The following AUTS2 variants were observed in gnomAD, a reference collection of about 807,000 sequenced individuals.
The protein encoded by AUTS2 is activator of transcription and developmental regulator AUTS2, also known as autism susceptibility gene 2 protein.
AUTS2 carries 17 observed loss-of-function variants against 112.4 expected under a neutral mutation model. The observed-to-expected ratio is 0.15, with a 90% CI of 0.10 to 0.23. The LOEUF (loss-of-function observed/expected upper bound fraction) is 0.23, where lower values mean the gene tolerates loss of function less well. AUTS2 is among the 10% of genes least tolerant of loss of function. AUTS2 has a pLI of 1.00. For synonymous variants in AUTS2, 751 were observed against 702.7 expected (o/e 1.07, Z -1.09); for missense variants, 1,510 against 1,701.6 (o/e 0.89, Z 1.98).
At chr7:70,059,034 T>G (rs910199957) in intron 2 of AUTS2, among the ~76,000 whole-genome samples, 1 of 152,210 alleles carries the variant, frequency 6.6e-6, no homozygotes, top group Non-Finnish European at 1.5e-5. Flanking sequence ...TCACCCATCT[T>G]ACATAGTTTA....
intron 5 of AUTS2, among the ~76,000 whole-genome samples, chr7:70,493,869 G>A (rs1323632765): frequency 6.6e-6 from 1 of 151,950 alleles, no homozygotes; most frequent in Non-Finnish European, 1.5e-5. Flanking sequence ...TGTTTTGAAG[G>A]GGCAGGAGAT....
intron 2 of AUTS2, among the ~76,000 whole-genome samples, chr7:69,917,775 C>A (rs1050061193): frequency 6.6e-6 from 1 of 152,118 alleles, no homozygotes; most frequent in African/African-American, 2.4e-5. Flanking sequence ...GTTTTACATT[C>A]CTGAGTCACT....
chr7:70,497,739 C>T (rs1390640800), intron 5 of AUTS2, among the ~76,000 whole-genome samples: 2 of 152,126 alleles, frequency 1.3e-5, no homozygotes, highest in African/African-American at 4.8e-5. Context: ...CCTCGGTTTT[C>T]GCTGAGGTCC....
intron 6 of AUTS2, among the ~76,000 whole-genome samples, chr7:70,718,960 A>G (rs1810523239): frequency 6.6e-6 from 1 of 151,510 alleles, no homozygotes; most frequent in Non-Finnish European, 1.5e-5. Context: ...AGGGCATATA[A>G]TCACCCAAGT....
intron 2 of AUTS2, among the ~76,000 whole-genome samples, chr7:69,986,874 G>A (rs1798533229): frequency 6.6e-6 from 1 of 152,112 alleles, no homozygotes; most frequent in Non-Finnish European, 1.5e-5. Context: ...TAAATGCAGT[G>A]GTGACCCTTG....
chr7:70,748,757 C>G (rs1788621007), intron 6 of AUTS2, among the ~76,000 whole-genome samples: 1 of 152,208 alleles, frequency 6.6e-6, no homozygotes. Flanking sequence ...CCTCATGGTT[C>G]TTTCATGGGT....
In AUTS2 at chr7:70,552,120, G is replaced by A. The variant is rs139162937; in HGVS notation, c.690+116339G>A. On this transcript the variant is annotated intron_variant, in intron 5 of 18. Coordinates refer to ENST00000342771, the MANE Select transcript of AUTS2 (RefSeq NM_015570.4). ...TTTGTGTGTGTATGTGCGTGTGCAT[G>A]TGCGTGTGTGTTTAAACAAGAGAAA... Among the ~76,000 whole-genome samples, 67 of 152,302 alleles carry A rather than the reference G, an allele frequency of 4.4e-4. No individual in the cohort carries two copies. In the East Asian group the frequency reaches 0.012, roughly 28 times the overall value.
At chr7:70,184,709 G>GAAATTCC (rs1809507243) in intron 4 of AUTS2, among the ~76,000 whole-genome samples, 1 of 152,066 alleles carries the variant, frequency 6.6e-6, no homozygotes, top group Non-Finnish European at 1.5e-5. Flanking sequence ...AACCAAATAA[G>GAAATTCC]AAATTCCTTC....
At chr7:70,723,568 C>T (rs1198627721) in intron 6 of AUTS2, among the ~76,000 whole-genome samples, 4 of 151,718 alleles carry the variant, frequency 2.6e-5, no homozygotes, top group South Asian at 2.1e-4. Flanking sequence ...AGGAAGCGCC[C>T]GCTGTACAGA....
chr7:69,636,728 A>G (rs980587683), intron 1 of AUTS2, among the ~76,000 whole-genome samples: 30 of 151,984 alleles, frequency 2.0e-4, no homozygotes, highest in African/African-American at 6.5e-4. Flanking sequence ...TTCCTACTTA[A>G]TAAGATGGAA....
Position 70,504,291 on chromosome 7 carries a change from A to G in AUTS2, c.690+68510A>G, listed in dbSNP as rs181382141. On this transcript the variant is annotated intron_variant, in intron 5 of 18. Transcript: ENST00000342771. ...TAGAGAGGTCTAATGAAGAGGGTTT[A>G]CTGAATGGGGAAAGGGCAGCCACCG... is the stretch of plus-strand genomic sequence containing the variant. Among the ~76,000 whole-genome samples, 770 of 151,932 alleles carry G rather than the reference A, an allele frequency of 5.1e-3. 6 individuals carry two copies. Among genetic ancestry groups the G allele is most frequent in the Non-Finnish European group, 9.2e-3 (627 of 67,908 alleles).
intron 12 of AUTS2, 184 bp downstream of exon 12, chr7:70,774,283 G>A (rs544600099): frequency 1.3e-4 from 79 of 605,866 alleles, no homozygotes; most frequent in African/African-American, 1.5e-4. Context: ...TGCTCACTGC[G>A]AGCATAGGAC....
chr7:70,518,529 A>G (rs1020366331), intron 5 of AUTS2, among the ~76,000 whole-genome samples: 6 of 152,006 alleles, frequency 3.9e-5, no homozygotes, highest in Non-Finnish European at 8.8e-5. Context: ...AAAAAAATAC[A>G]AAAAATTAGC....
intron 1 of AUTS2, among the ~76,000 whole-genome samples, chr7:69,707,995 C>G (rs989723060): frequency 6.6e-6 from 1 of 151,910 alleles, no homozygotes; most frequent in Admixed American, 6.6e-5. Flanking sequence ...GACTCTTAGT[C>G]TTGGGATGCG....
rs1010971559 is a variant in AUTS2 at position 70,576,273 on chromosome 7, C to T, written c.691-122296C>T. Among the ~76,000 whole-genome samples the T allele has an allele frequency of 2.2e-4, 34 of 152,232 alleles. 1 individual carries two copies. Among genetic ancestry groups the T allele is most frequent in the Admixed American group, 1.6e-3 (25 of 15,294 alleles). On this transcript the variant is annotated intron_variant, in intron 5 of 18. Transcript: ENST00000342771. ...CATCTGAGTGGCCCACCCTCCTCTG[C>T]GCTCCCTAAGAAGGAAAGGGGTCAA...
At chr7:69,879,320 C>CTT (rs56852869) in intron 1 of AUTS2, among the ~76,000 whole-genome samples, 14,330 of 144,608 alleles carry the variant, frequency 0.099, 1,159 homozygotes, top group African/African-American at 0.22. Flanking sequence ...TTTTTTTTTT[C>CTT]TTTTTTTTTT....
At chr7:70,067,765 A>G (rs1584668120) in intron 2 of AUTS2, among the ~76,000 whole-genome samples, 1 of 152,134 alleles carries the variant, frequency 6.6e-6, no homozygotes, top group East Asian at 1.9e-4. Flanking sequence ...AGGCAGGAGG[A>G]TCACCTGAGC....
intron 5 of AUTS2, among the ~76,000 whole-genome samples, chr7:70,507,155 T>A (rs994818974): frequency 9.9e-5 from 15 of 152,156 alleles, no homozygotes; most frequent in Non-Finnish European, 2.1e-4. Flanking sequence ...ACAAACTCAG[T>A]TTTAGCCTAC....
intron 4 of AUTS2, among the ~76,000 whole-genome samples, chr7:70,261,336 C>A (rs1196802333): frequency 6.6e-6 from 1 of 152,154 alleles, no homozygotes; most frequent in East Asian, 1.9e-4. Flanking sequence ...GGTGGGAACA[C>A]TGGCTACAGA....
Sources: allele counts gnomAD v4.1 joint callset (sites outside exome capture counted in the v4.1 genomes callset), GRCh38; gene constraint gnomAD v4.1.1; transcripts MANE v1.5; gene names NCBI Gene and HGNC (gene_info 2026-07-23, HGNC 2026-07-21).